DOT1L: variants seen among roughly 807,000 people sequenced by gnomAD.
DOT1L encodes histone-lysine N-methyltransferase, H3 lysine-79 specific.
DOT1L carries 33 observed loss-of-function variants against 153.3 expected under a neutral mutation model. The observed-to-expected ratio is 0.22, with a 90% CI of 0.16 to 0.29. The LOEUF (loss-of-function observed/expected upper bound fraction) is 0.29, where lower values mean the gene tolerates loss of function less well. Ranked by LOEUF, DOT1L falls within the 10% of genes least tolerant of loss-of-function variation. The pLI is 1.00. For synonymous variants in DOT1L, 1,135 were observed against 965.1 expected (o/e 1.18, Z -3.26); for missense variants, 1,847 against 2,119.9 (o/e 0.87, Z 2.53).
chr19:2,218,539 G>A (rs1370943485), intron 22 of DOT1L, among the ~76,000 whole-genome samples: 6 of 149,484 alleles, frequency 4.0e-5, no homozygotes, highest in South Asian at 2.1e-4. Context: ...GACTACAGGC[G>A]CCCGCCACCA....
intron 3 of DOT1L, 58 bp downstream of exon 3, chr19:2,185,987 G>C: frequency 6.6e-7 from 1 of 1,519,306 alleles, no homozygotes; most frequent in East Asian, 2.3e-5. Context: ...TCTTGGGGAG[G>C]ACAGGAGGAC....
chr19:2,164,813 C>G (rs113386428), intron 1 of DOT1L, among the ~76,000 whole-genome samples: 1 of 152,190 alleles, frequency 6.6e-6, no homozygotes, highest in African/African-American at 2.4e-5. Context: ...GAATTTTTGT[C>G]CCCGTAATTT....
chr19:2,175,076 G>A (rs1479285231), intron 1 of DOT1L, among the ~76,000 whole-genome samples: 1 of 151,084 alleles, frequency 6.6e-6, no homozygotes, highest in African/African-American at 2.4e-5. Flanking sequence ...TCGGCTCACT[G>A]CAAGCCCCGC....
At chr19:2,180,801 A>G (rs766900034) in intron 2 of DOT1L, 45 bp downstream of exon 2, 1 of 1,609,388 alleles carries the variant, frequency 6.2e-7, no homozygotes, top group East Asian at 2.2e-5. Flanking sequence ...GCCCTGAGCC[A>G]CTTCCGTGGA....
intron 23 of DOT1L, chr19:2,221,655 G>A (rs576346748): frequency 1.8e-5 from 7 of 396,926 alleles, no homozygotes; most frequent in Non-Finnish European, 3.2e-5. Context: ...GGGGCCAGAG[G>A]GCAACTTACT....
intron 22 of DOT1L, among the ~76,000 whole-genome samples, chr19:2,218,662 G>A (rs1000052391): frequency 2.0e-5 from 3 of 151,048 alleles, no homozygotes; most frequent in Non-Finnish European, 4.4e-5. Flanking sequence ...CAAAGTGCTG[G>A]GATTACAGGC....
At chr19:2,189,403 T>C (rs974584936) in intron 3 of DOT1L, among the ~76,000 whole-genome samples, 4 of 152,104 alleles carry the variant, frequency 2.6e-5, no homozygotes, top group African/African-American at 9.7e-5. Context: ...CTGGCCTCAG[T>C]CCCCCTCGAG....
chr19:2,221,721 C>T (rs1039114303), intron 23 of DOT1L: 27 of 485,810 alleles, frequency 5.6e-5, no homozygotes, highest in Middle Eastern at 5.2e-4. Flanking sequence ...TGGGAGGCAG[C>T]GTCTCAGCCG....
chr19:2,211,914 C>T, intron 16 of DOT1L, 72 bp downstream of exon 16: 21 of 1,425,198 alleles, frequency 1.5e-5, no homozygotes, highest in Non-Finnish European at 1.9e-5. Context: ...GGGCATCTGT[C>T]CCCTGTGGCA....
chr19:2,209,257 C>T (rs1456028370), intron 12 of DOT1L, among the ~76,000 whole-genome samples: 1 of 152,200 alleles, frequency 6.6e-6, no homozygotes, highest in East Asian at 1.9e-4. Context: ...CACCCTCCCT[C>T]TCCGTTTCTC....
At chr19:2,167,468 G>A (rs543481288) in intron 1 of DOT1L, among the ~76,000 whole-genome samples, 7 of 152,296 alleles carry the variant, frequency 4.6e-5, no homozygotes, top group Admixed American at 1.3e-4. Flanking sequence ...TGGCGGGAGC[G>A]GGCTTTCTAG....
Position 2,188,630 on chromosome 19 carries a change from G to C in DOT1L, c.201-1102G>C, listed in dbSNP as rs564202764. Among the ~76,000 whole-genome samples, 4 of 152,262 alleles carry C rather than the reference G, an allele frequency of 2.6e-5. No homozygotes were observed. The South Asian group carries it at 8.3e-4, about 32-fold the overall frequency. On this transcript the variant is annotated intron_variant, in intron 3 of 27. Coordinates refer to ENST00000398665, the MANE Select transcript of DOT1L (RefSeq NM_032482.3). ...CTCTTGCTTGCCTCGCCACATTCCT[G>C]GGGTCCCCGGTGAGAGCCACTGTGT... is the stretch of plus-strand genomic sequence containing the variant.
chr19:2,182,435 C>G (rs1194922429), intron 2 of DOT1L, among the ~76,000 whole-genome samples: 1 of 152,096 alleles, frequency 6.6e-6, no homozygotes, highest in Admixed American at 6.5e-5. Flanking sequence ...CAGCTACTTG[C>G]GGGGCTGAGG....
In DOT1L at chr19:2,188,494, C is replaced by CCCCCCCCCCG. The variant is rs1491479536; in HGVS notation, c.201-1238_201-1237insCCCCCCCCCG. On this transcript the variant is annotated intron_variant, in intron 3 of 27. Coordinates refer to ENST00000398665, the MANE Select transcript of DOT1L (RefSeq NM_032482.3). ...CCCCAGCCGCCGCCCCCCCCCCCCC[C>CCCCCCCCCCG]ACCCGCACAGGTGCAGGCCCCCTCG... Among the ~76,000 whole-genome samples the CCCCCCCCCCG allele has an allele frequency of 1.2e-4, 14 of 117,628 alleles. 1 individual carries two copies. Among genetic ancestry groups the CCCCCCCCCCG allele is most frequent in the African/African-American group, 3.5e-4 (9 of 25,662 alleles). The allele number at this position is 117,628 out of a possible 152,430, so 77.2% of individuals were successfully genotyped here. A position where few individuals can be genotyped will look rare whatever the true frequency, so the allele number is the denominator to read the frequency against.
Position 2,190,011 on chromosome 19 carries a change from C to T in DOT1L, c.264+216C>T, listed in dbSNP as rs535643516. The stretch of plus-strand genomic sequence containing the variant: ...GGCCGTGTGCCAAAGCAGAGCCGTC[C>T]GTGGTTTGTGTGCTGAGGCAGGGCC... On this transcript the variant is annotated intron_variant, in intron 4 of 27. Transcript: ENST00000398665. This position sits in a 1 kb window ranked among gnomAD's most constrained non-coding sequence, Gnocchi z 4.8. 1.1e-4 allele frequency among the ~76,000 whole-genome samples: 16 copies of T among 152,154 alleles called. No individual in the cohort carries two copies. The highest frequency in any genetic ancestry group is 1.9e-4 in the African/African-American group (8 of 41,436).
rs887912178 is a variant in DOT1L, at chr19:2,197,028, G to A, written c.651+2451G>A. Among the ~76,000 whole-genome samples the A allele has an allele frequency of 2.0e-5, 3 of 152,220 alleles. No homozygotes were observed. Among genetic ancestry groups the A allele is most frequent in the Admixed American group, 6.5e-5 (1 of 15,290 alleles). On this transcript the variant is annotated intron_variant, in intron 7 of 27. Transcript: ENST00000398665. This position sits in a 1 kb window ranked among gnomAD's most constrained non-coding sequence, Gnocchi z 4.1. The stretch of plus-strand genomic sequence containing the variant: ...AACGCGTCCGCCTTGGTCGGCGTGC[G>A]ATTCTGTTTATCCAAGGTGGGATTC...
intron 7 of DOT1L, among the ~76,000 whole-genome samples, chr19:2,195,236 C>T (rs1356870018): frequency 1.3e-5 from 2 of 151,994 alleles, no homozygotes; most frequent in African/African-American, 2.4e-5. Flanking sequence ...CAGGAGTAGC[C>T]ACCACTCCTG....
intron 26 of DOT1L, 124 bp downstream of exon 26, chr19:2,225,576 C>A: frequency 9.4e-7 from 1 of 1,060,034 alleles, no homozygotes; most frequent in Non-Finnish European, 1.5e-6. Flanking sequence ...CCCGCTGCGT[C>A]GTGTCCTGCG....
At chr19:2,206,953 G>A (rs990653269) in intron 10 of DOT1L, among the ~76,000 whole-genome samples, 156 bp downstream of exon 10, 5 of 152,144 alleles carry the variant, frequency 3.3e-5, no homozygotes, top group Admixed American at 1.3e-4. Context: ...GCTGAGCAGC[G>A]TCCCTGGTGT....
Sources: allele counts gnomAD v4.1 joint callset (sites outside exome capture counted in the v4.1 genomes callset), GRCh38; gene constraint gnomAD v4.1.1; non-coding constraint Gnocchi (gnomAD v3.1); transcripts MANE v1.5; gene names NCBI Gene and HGNC (gene_info 2026-07-23, HGNC 2026-07-21).